Variants in SI observed in about 807,000 individuals in gnomAD.
SI encodes sucrase-isomaltase, intestinal.
In SI, 235 loss-of-function variants were observed where a neutral mutation model predicts 253.3. The ratio of observed to expected loss-of-function variants is 0.93; its 90% CI spans 0.83 to 1.03. SI has a LOEUF of 1.03. SI is among the 50% of genes least tolerant of loss of function. SI has a pLI of 0.00. For missense variants in SI, 2,442 were observed against 2,211.1 expected, an observed-to-expected ratio of 1.10 and a Z score of -2.09; for synonymous variants, 819 against 712.0, an observed-to-expected ratio of 1.15 and a Z score of -2.39.
the SI span, among the ~76,000 whole-genome samples, chr3:165,089,554 G>A: frequency 3.3e-5 from 5 of 152,082 alleles, no homozygotes; most frequent in Admixed American, 6.6e-5. Context: ...AGGATCCTGG[G>A]CCCTGGGAGA....
chr3:165,072,059 G>GTA (rs1336840617), intron 3 of SI, among the ~76,000 whole-genome samples: 2 of 151,966 alleles, frequency 1.3e-5, no homozygotes, highest in African/African-American at 4.8e-5. Flanking sequence ...GCCATTTCTA[G>GTA]TATACAATAA....
rs111526899 is a variant in SI at position 165,009,789 on chromosome 3, T to A, written c.4063-394A>T. On this transcript the variant is annotated intron_variant, in intron 34 of 47. Coordinates refer to ENST00000264382, the MANE Select transcript of SI (RefSeq NM_001041.4). ...AGTATAAAGCCTGTTTTTATATAGC[T>A]TTCTCATTTCCCAGAACCATCTCAC... Among the ~76,000 whole-genome samples the A allele has an allele frequency of 6.3e-4, 96 of 152,254 alleles. 2 individuals are homozygous for A. Among genetic ancestry groups the A allele is most frequent in the African/African-American group, 2.0e-3 (84 of 41,554 alleles).
chr3:164,994,270 G>T lies in SI; in HGVS notation c.4828C>A (p.Pro1610Thr). ...CTTTGTACTTACTCATGCAAAAGGG[G>T]TCGGATAACAGTGCCACCATTAGCA... ...IHANGGTVIR[P>T]LLHEFFDEKP... Residue 1610 changes from proline (P) to threonine (T), a missense_variant, in exon 41 of 48, where the codon CCC becomes ACC. Pro to Thr is a conservative substitution (Grantham distance 38). Transcript: ENST00000264382. 6.2e-7 allele frequency: 1 copy of T among 1,610,740 alleles called. No individual in the cohort carries two copies.
At position 164,992,169 on chromosome 3, in the gene SI, ATACT is replaced by A; in HGVS notation, c.4983+4_4983+7del. 6.2e-7 allele frequency: 1 copy of A among 1,607,296 alleles called. No homozygotes were observed. The highest frequency in any genetic ancestry group is 8.5e-7 in the Non-Finnish European group (1 of 1,175,602). On this transcript the variant is annotated splice_donor_5th_base_variant and intron_variant, in intron 43 of 47. Transcript: ENST00000264382. The stretch of plus-strand genomic sequence containing the variant: ...TAGTTAATTCCCCAGAATTCCTTAA[ATACT>A]TACTGTATGGTAGTCAAACCACCGA...
chr3:165,025,422 T>C (rs980211877), intron 25 of SI, among the ~76,000 whole-genome samples: 1 of 151,168 alleles, frequency 6.6e-6, no homozygotes, highest in Non-Finnish European at 1.5e-5. Flanking sequence ...TTGGAAAACA[T>C]ATTTGAAGGA....
At position 165,059,067 on chromosome 3, in the gene SI, T is replaced by A. The variant is rs112053533; in HGVS notation, c.1294A>T (p.Ile432Leu). The A allele has an allele frequency of 1.9e-6, 3 of 1,612,458 alleles. No homozygotes were observed. The change falls in exon 12 of 48, where the codon ATA (isoleucine) becomes TTA (leucine). Residue 432 changes from isoleucine (I) to leucine (L), a missense_variant. Ile to Leu is a conservative substitution (Grantham distance 5). Coordinates refer to ENST00000264382, the MANE Select transcript of SI (RefSeq NM_001041.4). The stretch of plus-strand genomic sequence containing the variant: ...GTTGTTCCATTGGCACGTCGACCTA[T>A]GGAAATTGCAGGGTCCTAATAATAG... ...YVIILDPAISIGRRANGTTYA... is the reference protein window; with the variant it reads ...YVIILDPAISLGRRANGTTYA...
At chr3:165,078,773 A>G (rs981881708), upstream of SI, among the ~76,000 whole-genome samples, 7 of 151,524 alleles carry the variant, frequency 4.6e-5, no homozygotes, top group African/African-American at 1.7e-4. Context: ...AATTATATTT[A>G]TTTTATATTT....
chr3:165,034,712 G>A (rs973135061), intron 22 of SI, among the ~76,000 whole-genome samples: 5 of 151,862 alleles, frequency 3.3e-5, no homozygotes, highest in East Asian at 1.9e-4. Context: ...ATGTGTGTGC[G>A]TGCATGCACG....
At chr3:165,067,229 C>CTA (rs1714290783) in intron 6 of SI, 111 bp downstream of exon 6, 1 of 799,452 alleles carries the variant, frequency 1.3e-6, no homozygotes, top group Non-Finnish European at 2.0e-6. Context: ...ACCTATCCAC[C>CTA]TACCCTCTTT....
intron 36 of SI, 83 bp from the exon 37 acceptor site, chr3:165,007,037 G>C: frequency 1.0e-6 from 1 of 998,438 alleles, no homozygotes; most frequent in Non-Finnish European, 1.5e-6. Context: ...TGTATTCCTT[G>C]ACAAAGAAAT....
At chr3:165,049,694 C>A (rs1474531587) in intron 14 of SI, 97 bp downstream of exon 14, 1 of 738,268 alleles carries the variant, frequency 1.4e-6, no homozygotes, top group Non-Finnish European at 2.4e-6. Flanking sequence ...AGAACTATAC[C>A]AAAAATTGTA....
At chr3:165,022,533 T>TCACACA (rs1491563006) in intron 26 of SI, among the ~76,000 whole-genome samples, 91 of 83,448 alleles carry the variant, frequency 1.1e-3, no homozygotes, top group African/African-American at 3.6e-3. Context: ...TTTTGTGCCA[T>TCACACA]CTCACACACA....
At chr3:165,089,549 C>G in the SI span, among the ~76,000 whole-genome samples, 4 of 152,082 alleles carry the variant, frequency 2.6e-5, no homozygotes, top group Admixed American at 2.6e-4. Context: ...GAAGAAGGAT[C>G]CTGGGCCCTG....
chr3:165,017,474 T>C lies in SI; in HGVS notation c.3759+74A>G, dbSNP rs534007264. 7.0e-6 allele frequency: 10 copies of C among 1,429,400 alleles called. No homozygotes were observed. The African/African-American group carries it at 7.1e-5, about 10-fold the overall frequency. 88.5% of individuals were successfully genotyped at this position (1,429,400 alleles called of 1,614,324 possible). A position where few individuals can be genotyped will look rare whatever the true frequency, so the allele number is the denominator to read the frequency against. On this transcript the variant is annotated intron_variant, in intron 31 of 47. Coordinates refer to ENST00000264382, the MANE Select transcript of SI (RefSeq NM_001041.4). ...TTATTACCAGCTGCTTAAATTAAAGTATACATGTTTAATTATTTCATTCTA... is the reference window on the plus strand; with the variant it reads ...TTATTACCAGCTGCTTAAATTAAAGCATACATGTTTAATTATTTCATTCTA...
At chr3:165,010,911 T>C in intron 34 of SI, among the ~76,000 whole-genome samples, 1 of 152,192 alleles carries the variant, frequency 6.6e-6, no homozygotes, top group Non-Finnish European at 1.5e-5. Context: ...CAAGTTGAAA[T>C]AACACTTTTT....
At chr3:165,058,607 C>T (rs1713817753) in intron 12 of SI, among the ~76,000 whole-genome samples, 1 of 151,684 alleles carries the variant, frequency 6.6e-6, no homozygotes, top group African/African-American at 2.4e-5. Flanking sequence ...ACAGATAACA[C>T]AGAAATGTAA....
intron 21 of SI, among the ~76,000 whole-genome samples, chr3:165,036,710 T>C (rs1712552844): frequency 6.6e-6 from 1 of 151,838 alleles, no homozygotes; most frequent in African/African-American, 2.4e-5. Flanking sequence ...ATAAATGTAA[T>C]AAATGCAATA....
chr3:165,037,780 T>A, intron 21 of SI, 120 bp downstream of exon 21: 1 of 715,436 alleles, frequency 1.4e-6, no homozygotes. Flanking sequence ...CAGTATTACC[T>A]CTGTATGTCA....
chr3:165,015,117 T>G lies in SI; in HGVS notation c.3999+6A>C. Reference sequence around the variant, plus strand: ...TTTATTCTATTTCAAGATATCGATTTAGTACCTTTGCCCAACAAATGTCAT... The same window carrying G: ...TTTATTCTATTTCAAGATATCGATTGAGTACCTTTGCCCAACAAATGTCAT... On this transcript the variant is annotated splice_donor_region_variant and intron_variant, in intron 33 of 47. Transcript: ENST00000264382. 1 of 1,589,746 alleles carries G rather than the reference T, an allele frequency of 6.3e-7. No homozygotes were observed. Among genetic ancestry groups the G allele is most frequent in the Non-Finnish European group, 8.6e-7 (1 of 1,158,158 alleles).
Sources: allele counts gnomAD v4.1 joint callset (sites outside exome capture counted in the v4.1 genomes callset), GRCh38; gene constraint gnomAD v4.1.1; transcripts MANE v1.5; gene names NCBI Gene and HGNC (gene_info 2026-07-23, HGNC 2026-07-21).